Variants in CARMIL1 observed in about 807,000 individuals in gnomAD.
CARMIL1 encodes the protein F-actin-uncapping protein LRRC16A.
CARMIL1 carries 90 observed loss-of-function variants against 177.1 expected under a neutral mutation model. That is an observed-to-expected ratio of 0.51 (90% CI 0.43 to 0.61). The LOEUF (loss-of-function observed/expected upper bound fraction) is 0.61. Among genes scored for constraint, CARMIL1 ranks in the 20% least tolerant of loss-of-function variants. The pLI is 0.00. For synonymous variants in CARMIL1, 577 were observed against 606.2 expected, an observed-to-expected ratio of 0.95 and a Z score of 0.71; for missense variants, 1,380 against 1,667.0, an observed-to-expected ratio of 0.83 and a Z score of 3.00.
At chr6:25,590,630 G>A (rs1373209855) in intron 31 of CARMIL1, among the ~76,000 whole-genome samples, 1 of 152,070 alleles carries the variant, frequency 6.6e-6, no homozygotes, top group Non-Finnish European at 1.5e-5. Context: ...TGTGATACTT[G>A]TATGTAGATA....
chr6:25,563,181 G>A (rs534658615), intron 29 of CARMIL1: 20 of 977,842 alleles, frequency 2.0e-5, no homozygotes, highest in Middle Eastern at 1.0e-3. Context: ...TCTAAACTCA[G>A]TCTTACTTTT....
chr6:25,403,488 C>T (rs375091976), intron 2 of CARMIL1, among the ~76,000 whole-genome samples: 44 of 152,304 alleles, frequency 2.9e-4, no homozygotes, highest in Admixed American at 1.9e-3. Flanking sequence ...TAAAGCCTCA[C>T]AGACCTCCTG....
At chr6:25,573,495 C>T (rs1562298539) in intron 29 of CARMIL1, among the ~76,000 whole-genome samples, 1 of 149,570 alleles carries the variant, frequency 6.7e-6, no homozygotes, top group Non-Finnish European at 1.5e-5. Flanking sequence ...CTTTTCTTCC[C>T]CTGGAGACTG....
intron 2 of CARMIL1, among the ~76,000 whole-genome samples, chr6:25,389,669 A>C (rs375888072): frequency 2.0e-5 from 3 of 152,242 alleles, no homozygotes; most frequent in African/African-American, 7.2e-5. Context: ...AAAAGCAATG[A>C]GTTGTTTCTG....
At chr6:25,398,836 T>G (rs947751602) in intron 2 of CARMIL1, among the ~76,000 whole-genome samples, 10 of 152,146 alleles carry the variant, frequency 6.6e-5, no homozygotes, top group Non-Finnish European at 1.0e-4. Context: ...CCTCATGGGG[T>G]GCTGCAGGGA....
intron 26 of CARMIL1, among the ~76,000 whole-genome samples, chr6:25,543,966 A>G (rs1203705545): frequency 6.6e-6 from 1 of 152,164 alleles, no homozygotes; most frequent in Non-Finnish European, 1.5e-5. Flanking sequence ...CAGGTAAGAA[A>G]TATAGACCCT....
At chr6:25,366,083 C>T (rs997930424) in intron 2 of CARMIL1, among the ~76,000 whole-genome samples, 20 of 151,980 alleles carry the variant, frequency 1.3e-4, no homozygotes, top group South Asian at 2.1e-4. Flanking sequence ...CCTGGAACCT[C>T]GAACTGGGTT....
chr6:25,549,640 C>G (rs113544207), intron 26 of CARMIL1, among the ~76,000 whole-genome samples: 5 of 152,302 alleles, frequency 3.3e-5, no homozygotes, highest in African/African-American at 9.6e-5. Flanking sequence ...GCCTGCTACT[C>G]TGCTGCTCAC....
intron 17 of CARMIL1, among the ~76,000 whole-genome samples, chr6:25,503,618 A>G (rs1804632904): frequency 6.6e-6 from 1 of 152,172 alleles, no homozygotes; most frequent in African/African-American, 2.4e-5. Flanking sequence ...AAAATCATGA[A>G]TATGTATATT....
intron 33 of CARMIL1, among the ~76,000 whole-genome samples, chr6:25,601,925 T>C (rs1815449298): frequency 6.6e-6 from 1 of 152,240 alleles, no homozygotes; most frequent in South Asian, 2.1e-4. Flanking sequence ...TCCATTATTT[T>C]TACACAACTG....
At chr6:25,518,708 G>C (rs1482116031) in intron 22 of CARMIL1, among the ~76,000 whole-genome samples, 4 of 152,176 alleles carry the variant, frequency 2.6e-5, no homozygotes, top group Non-Finnish European at 5.9e-5. Flanking sequence ...AAGAAGCCAG[G>C]AGCATGCACA....
intron 36 of CARMIL1, among the ~76,000 whole-genome samples, chr6:25,616,548 T>C (rs1816906091): frequency 6.6e-6 from 1 of 152,224 alleles, no homozygotes; most frequent in Non-Finnish European, 1.5e-5. Flanking sequence ...AATTCCAGCC[T>C]GGACAACAGA....
Position 25,519,315 on chromosome 6 carries a change from C to T in CARMIL1, c.1875-929C>T, listed in dbSNP as rs187748565. ...GTGAAATTGAGCTCTTCCTGAGCAC[C>T]GTGTTGTAGAAATGGACAGATGCAT... On this transcript the variant is annotated intron_variant, in intron 22 of 36. Transcript: ENST00000329474. 6.6e-5 allele frequency among the ~76,000 whole-genome samples: 10 copies of T among 152,240 alleles called. No individual in the cohort carries two copies. In the East Asian group the frequency reaches 1.4e-3, roughly 21 times the overall value.
At chr6:25,355,883 C>T (rs74877532) in intron 2 of CARMIL1, among the ~76,000 whole-genome samples, 6,312 of 152,114 alleles carry the variant, frequency 0.041, 332 homozygotes, top group East Asian at 0.27. Flanking sequence ...GGAACTTTTC[C>T]GTCTTGTCTG....
At chr6:25,502,651 A>T (rs1166129864) in intron 17 of CARMIL1, among the ~76,000 whole-genome samples, 1 of 152,102 alleles carries the variant, frequency 6.6e-6, no homozygotes, top group Admixed American at 6.5e-5. Context: ...AATCCTGATT[A>T]AATATCGTGA....
chr6:25,574,268 A>G (rs529490426), intron 29 of CARMIL1, among the ~76,000 whole-genome samples: 2 of 152,350 alleles, frequency 1.3e-5, no homozygotes, highest in Admixed American at 6.5e-5. Context: ...TTTTTGGGAC[A>G]TTCCTAAGAA....
intron 4 of CARMIL1, 76 bp downstream of exon 4, chr6:25,426,636 C>A: frequency 7.5e-7 from 1 of 1,335,350 alleles, no homozygotes; most frequent in Non-Finnish European, 1.1e-6. Flanking sequence ...TTCCTTGAGA[C>A]AATGTGGATA....
rs375619766 is a variant in CARMIL1 at position 25,471,149 on chromosome 6, A to C, written c.691-20A>C. 1.1e-4 allele frequency: 174 copies of C among 1,539,432 alleles called. No individual in the cohort carries two copies. The highest frequency in any genetic ancestry group is 1.4e-4 in the Non-Finnish European group (154 of 1,123,780). ...CTTCTTTAGAGTTATGGAATAGTCA[A>C]AGAATGTTTTCTGTTACAGTCCACT... On this transcript the variant is annotated intron_variant, in intron 9 of 36. Coordinates refer to ENST00000329474, the MANE Select transcript of CARMIL1 (RefSeq NM_017640.6).
intron 3 of CARMIL1, among the ~76,000 whole-genome samples, chr6:25,425,884 A>G (rs1412242541): frequency 6.6e-6 from 1 of 152,150 alleles, no homozygotes; most frequent in Non-Finnish European, 1.5e-5. Context: ...GTATAGATTT[A>G]TTTCTCTAAA....
Sources: gnomAD v4.1 joint callset for allele counts (sites outside exome capture counted in the v4.1 genomes callset) on GRCh38, gnomAD v4.1.1 for gene constraint, MANE v1.5 for transcripts, NCBI Gene and HGNC (gene_info 2026-07-23, HGNC 2026-07-21) for gene names.